Variants in CLDN10 observed in about 807,000 individuals in gnomAD.
The protein encoded by CLDN10 is claudin-10.
Under a neutral mutation model 22.9 loss-of-function variants are expected in CLDN10, and 15 were observed. The observed-to-expected ratio is 0.65, with a 90% confidence interval of 0.44 to 1.01. The LOEUF (loss-of-function observed/expected upper bound fraction) is 1.01. Among genes scored for constraint, CLDN10 ranks in the 50% least tolerant of loss-of-function variants. The pLI is 0.00. For synonymous variants in CLDN10, 114 were observed against 111.4 expected, an observed-to-expected ratio of 1.02 and a Z score of -0.15; for missense variants, 247 against 287.8, an observed-to-expected ratio of 0.86 and a Z score of 1.03.
chr13:95,444,310 A>G (rs993172312), intron 1 of CLDN10, among the ~76,000 whole-genome samples: 3 of 152,222 alleles, frequency 2.0e-5, no homozygotes, highest in African/African-American at 7.2e-5. Flanking sequence ...ACTTGGGATA[A>G]TTGGCTTGAA....
At chr13:95,551,100 C>T (rs1309869828), upstream of CLDN10, among the ~76,000 whole-genome samples, 1 of 151,940 alleles carries the variant, frequency 6.6e-6, no homozygotes, top group African/African-American at 2.4e-5. Flanking sequence ...ACCCTTGTAC[C>T]CATTCACGAA....
chr13:95,497,777 T>C (rs1208476011), intron 1 of CLDN10, among the ~76,000 whole-genome samples: 1 of 152,144 alleles, frequency 6.6e-6, no homozygotes, highest in Non-Finnish European at 1.5e-5. Flanking sequence ...AAGAGTAAGT[T>C]GCCAAACATT....
At chr13:95,523,141 C>T (rs9561895) in intron 1 of CLDN10, among the ~76,000 whole-genome samples, 59,308 of 151,584 alleles carry the variant, frequency 0.39, 11,833 homozygotes, top group African/African-American at 0.45. Context: ...CCTTTCTTTC[C>T]GTCTTTTGTA....
intron 1 of CLDN10, among the ~76,000 whole-genome samples, chr13:95,493,479 A>G (rs2042897303): frequency 6.6e-6 from 1 of 151,312 alleles, no homozygotes; most frequent in Non-Finnish European, 1.5e-5. Flanking sequence ...CCCCTCCCCC[A>G]GTCTCTGGTA....
chr13:95,546,327 C>T (rs1269542183), intron 1 of CLDN10, among the ~76,000 whole-genome samples: 1 of 152,094 alleles, frequency 6.6e-6, no homozygotes, highest in East Asian at 1.9e-4. Context: ...ACCTCCACCA[C>T]CTTCCAGAGC....
In CLDN10 at chr13:95,434,455, C is replaced by A. The variant is rs200482333; in HGVS notation, c.214+408C>A. ...TCTCTCTCTCTCTCTGTCTCTCTCT[C>A]TCTATATATATATACACCCACAAAC... On this transcript the variant is annotated intron_variant, in intron 1 of 4. Coordinates refer to the CLDN10 transcript ENST00000376873. Among the ~76,000 whole-genome samples the A allele has an allele frequency of 1.6e-3, 201 of 125,100 alleles. 1 individual carries two copies. The highest frequency in any genetic ancestry group is 2.4e-3 in the Non-Finnish European group (141 of 59,442). 82.1% of individuals were successfully genotyped at this position (125,100 alleles called of 152,430 possible). A position where few individuals can be genotyped will look rare whatever the true frequency, so the allele number is the denominator to read the frequency against.
chr13:95,525,153 T>C (rs1733970417), intron 1 of CLDN10, among the ~76,000 whole-genome samples: 1 of 152,182 alleles, frequency 6.6e-6, no homozygotes, highest in South Asian at 2.1e-4. Context: ...CCACCACTCC[T>C]GGCCTATTTG....
chr13:95,473,590 C>T (rs1186795117), intron 1 of CLDN10, among the ~76,000 whole-genome samples: 6 of 152,194 alleles, frequency 3.9e-5, no homozygotes, highest in Non-Finnish European at 7.3e-5. Context: ...TAGGCTCTCA[C>T]GTGCCTTATT....
intron 1 of CLDN10, among the ~76,000 whole-genome samples, chr13:95,447,721 C>T (rs536153426): frequency 2.7e-5 from 4 of 149,974 alleles, no homozygotes; most frequent in Admixed American, 6.7e-5. Context: ...TGGGGGAAAA[C>T]GAGAAGGGGG....
chr13:95,502,685 A>G (rs550784296), intron 1 of CLDN10, among the ~76,000 whole-genome samples: 2 of 152,048 alleles, frequency 1.3e-5, no homozygotes, highest in South Asian at 4.1e-4. Context: ...ACACCTGGCT[A>G]ATTTTTGTAT....
chr13:95,452,024 A>G (rs1292105734), intron 1 of CLDN10, among the ~76,000 whole-genome samples: 3 of 152,212 alleles, frequency 2.0e-5, no homozygotes, highest in Admixed American at 1.3e-4. Context: ...TCTCAACAGG[A>G]GCCCCTTTTA....
At chr13:95,575,150 AAG>A (rs1023707458) in intron 3 of CLDN10, among the ~76,000 whole-genome samples, 11 of 152,214 alleles carry the variant, frequency 7.2e-5, no homozygotes, top group African/African-American at 2.7e-4. Flanking sequence ...TATTTACACT[AAG>A]AGTAATATTA....
chr13:95,563,095 A>ACTCTCT (rs34473629), intron 3 of CLDN10, among the ~76,000 whole-genome samples: 5,696 of 127,986 alleles, frequency 0.045, 156 homozygotes, highest in South Asian at 0.053. Flanking sequence ...CTGCCTACCC[A>ACTCTCT]CTCTCTCTCT....
intron 1 of CLDN10, among the ~76,000 whole-genome samples, chr13:95,490,258 G>A (rs529404680): frequency 4.1e-4 from 63 of 152,194 alleles, no homozygotes; most frequent in Admixed American, 3.8e-3. Flanking sequence ...TGTGAAGAAC[G>A]ATGGTGGTAT....
At chr13:95,478,254 G>C (rs949465132) in intron 1 of CLDN10, among the ~76,000 whole-genome samples, 6 of 152,186 alleles carry the variant, frequency 3.9e-5, no homozygotes, top group African/African-American at 1.4e-4. Context: ...GTTGCAGTGA[G>C]CCAAGATCGC....
At chr13:95,567,417 C>A (rs908842429) in intron 3 of CLDN10, among the ~76,000 whole-genome samples, 20 of 152,240 alleles carry the variant, frequency 1.3e-4, no homozygotes, top group African/African-American at 4.6e-4. Flanking sequence ...ATTTGGCTCT[C>A]TGTTTGTCTG....
intron 1 of CLDN10, among the ~76,000 whole-genome samples, chr13:95,442,537 G>A (rs2042334187): frequency 6.6e-6 from 1 of 152,170 alleles, no homozygotes; most frequent in Admixed American, 6.5e-5. Flanking sequence ...TTAAAGATGT[G>A]GATCTATTCC....
chr13:95,453,733 G>T (rs150211130), intron 1 of CLDN10, among the ~76,000 whole-genome samples: 1 of 151,670 alleles, frequency 6.6e-6, no homozygotes, highest in Non-Finnish European at 1.5e-5. Context: ...TAAAAACTAC[G>T]TGTTTTATGC....
chr13:95,518,415 G>A (rs937236626), intron 1 of CLDN10, among the ~76,000 whole-genome samples: 3 of 152,030 alleles, frequency 2.0e-5, no homozygotes, highest in African/African-American at 7.2e-5. Flanking sequence ...TGCAAAACCT[G>A]GATTTACCAA....
Sources: allele counts gnomAD v4.1 joint callset (sites outside exome capture counted in the v4.1 genomes callset), GRCh38; gene constraint gnomAD v4.1.1; transcripts MANE v1.5; gene names NCBI Gene and HGNC (gene_info 2026-07-23, HGNC 2026-07-21).